RNF24: variants seen among roughly 807,000 people sequenced by gnomAD.
The protein encoded by RNF24 is ring finger protein 24.
In RNF24, 14 loss-of-function variants were observed where a neutral mutation model predicts 20.0. That is an observed-to-expected ratio of 0.70 (90% confidence interval 0.46 to 1.10). The LOEUF (loss-of-function observed/expected upper bound fraction) is 1.10, where lower values mean the gene tolerates loss of function less well. Ranked by LOEUF, RNF24 falls within the 50% of genes least tolerant of loss-of-function variation. The probability of loss-of-function intolerance (pLI) is 0.00; values close to 1 mark genes in which losing one functional copy is unlikely to be tolerated. For synonymous variants in RNF24, 45 were observed against 61.1 expected, an observed-to-expected ratio of 0.74 and a Z score of 1.23; for missense variants, 124 against 177.6, an observed-to-expected ratio of 0.70 and a Z score of 1.71.
chr20:3,998,773 T>TAAA lies in RNF24; in HGVS notation c.-8+16661_-8+16663dup, dbSNP rs56673788. Reference sequence around the variant, plus strand: ...TCCGTCTCAAAAAATAAAATTAAATTAAAAAAAATAAATAATGTAACACGT... The same window carrying TAAA: ...TCCGTCTCAAAAAATAAAATTAAATTAAAAAAAAAAATAAATAATGTAACACGT... On this transcript the variant is annotated intron_variant, in intron 1 of 5. Transcript: ENST00000358395. Among the ~76,000 whole-genome samples the TAAA allele has an allele frequency of 1.3e-3, 175 of 133,698 alleles. 2 individuals carry two copies. The highest frequency in any genetic ancestry group is 4.4e-3 in the Admixed American group (58 of 13,170). The allele number at this position is 133,698 out of a possible 152,430, so 87.7% of individuals were successfully genotyped here.
intron 2 of RNF24, among the ~76,000 whole-genome samples, chr20:3,951,686 T>A (rs926160382): frequency 1.3e-5 from 2 of 152,210 alleles, no homozygotes; most frequent in African/African-American, 4.8e-5. Context: ...ATGTGCTTCT[T>A]CATTTATTTG....
At chr20:3,942,950 G>A (rs2090975206) in intron 4 of RNF24, among the ~76,000 whole-genome samples, 1 of 151,950 alleles carries the variant, frequency 6.6e-6, no homozygotes, top group Non-Finnish European at 1.5e-5. Context: ...CGAGTAGCTG[G>A]GATTACAGGT....
At chr20:3,989,033 A>C (rs971760940) in intron 1 of RNF24, among the ~76,000 whole-genome samples, 2 of 152,186 alleles carry the variant, frequency 1.3e-5, no homozygotes, top group African/African-American at 4.8e-5. Flanking sequence ...AAGACGCTAA[A>C]TATTATAAAG....
chr20:3,936,066 C>A (rs1173573057), intron 4 of RNF24, among the ~76,000 whole-genome samples: 1 of 152,220 alleles, frequency 6.6e-6, no homozygotes, highest in African/African-American at 2.4e-5. Flanking sequence ...GTAACCCAGT[C>A]TTCTTAGATT....
At chr20:3,956,474 T>A (rs551035794) in intron 2 of RNF24, among the ~76,000 whole-genome samples, 1 of 151,744 alleles carries the variant, frequency 6.6e-6, no homozygotes, top group Non-Finnish European at 1.5e-5. Flanking sequence ...TTATATTTTA[T>A]AATGTATATT....
chr20:3,964,147 T>G, intron 1 of RNF24, 123 bp from the exon 2 acceptor site: 1 of 710,966 alleles, frequency 1.4e-6, no homozygotes, highest in Non-Finnish European at 2.2e-6. Flanking sequence ...GACAAAGTGT[T>G]AATATTCTTG....
At chr20:3,972,133 G>A (rs1373422138) in intron 1 of RNF24, among the ~76,000 whole-genome samples, 1 of 152,058 alleles carries the variant, frequency 6.6e-6, no homozygotes, top group African/African-American at 2.4e-5. Context: ...AAACAACAGA[G>A]CTGCAAAACA....
intron 2 of RNF24, among the ~76,000 whole-genome samples, chr20:3,963,391 C>T (rs1033807593): frequency 5.9e-5 from 9 of 152,050 alleles, no homozygotes; most frequent in Admixed American, 3.9e-4. Context: ...CGGAGTTCCA[C>T]CATGTTGGCC....
chr20:3,987,112 ATT>A (rs1460802905), intron 1 of RNF24, among the ~76,000 whole-genome samples: 47 of 152,136 alleles, frequency 3.1e-4, no homozygotes, highest in African/African-American at 1.1e-3. Flanking sequence ...ACATTTAACT[ATT>A]GACTTCTACA....
At chr20:3,972,584 A>G (rs1272717280) in intron 1 of RNF24, among the ~76,000 whole-genome samples, 1 of 152,242 alleles carries the variant, frequency 6.6e-6, no homozygotes, top group Admixed American at 6.5e-5. Flanking sequence ...AGAAATTTTT[A>G]AAAATACACT....
At chr20:3,991,940 G>A (rs75653194) in intron 1 of RNF24, among the ~76,000 whole-genome samples, 19 of 147,892 alleles carry the variant, frequency 1.3e-4, no homozygotes, top group Non-Finnish European at 2.4e-4. Flanking sequence ...ACACACACAC[G>A]CACACACACA....
rs993676242 is a variant in RNF24, at chr20:3,934,426, C to T, written c.309-225G>A. On this transcript the variant is annotated intron_variant, in intron 5 of 5. Coordinates refer to ENST00000358395, the MANE Select transcript of RNF24 (RefSeq NM_001134337.3). This position sits in a 1 kb window ranked among gnomAD's most constrained non-coding sequence, Gnocchi z 4.0. ...CAGCAATCCCCTCTTCCTTCCAGAG[C>T]CTCCCATCTTCCACGTGTGAAGCCA... Among the ~76,000 whole-genome samples the T allele has an allele frequency of 5.3e-5, 8 of 152,168 alleles. No homozygotes were observed. Among genetic ancestry groups the T allele is most frequent in the African/African-American group, 1.9e-4 (8 of 41,440 alleles).
chr20:3,972,245 A>C (rs1978410233), intron 1 of RNF24, among the ~76,000 whole-genome samples: 1 of 152,240 alleles, frequency 6.6e-6, no homozygotes, highest in African/African-American at 2.4e-5. Flanking sequence ...AAACAACTAG[A>C]TAGAAAACCA....
chr20:3,957,669 T>C (rs1289937617), intron 2 of RNF24, among the ~76,000 whole-genome samples: 1 of 152,000 alleles, frequency 6.6e-6, no homozygotes, highest in Non-Finnish European at 1.5e-5. Context: ...GGCTCAAAAT[T>C]CATCCCTTCT....
At chr20:3,966,133 C>CAAAAAA (rs574975352) in intron 1 of RNF24, among the ~76,000 whole-genome samples, 1 of 81,468 alleles carries the variant, frequency 1.2e-5, no homozygotes, top group Non-Finnish European at 2.2e-5. Flanking sequence ...GATTCCATCT[C>CAAAAAA]AAAAAAAAAA....
chr20:4,002,086 AC>A (rs1338523248), intron 1 of RNF24, among the ~76,000 whole-genome samples: 13 of 151,974 alleles, frequency 8.6e-5, no homozygotes, highest in African/African-American at 2.9e-4. Flanking sequence ...CCCCATCTCT[AC>A]CAAAAATACA....
chr20:3,953,475 T>G (rs1361151918), intron 2 of RNF24, among the ~76,000 whole-genome samples: 1 of 151,332 alleles, frequency 6.6e-6, no homozygotes, highest in Admixed American at 6.6e-5. Context: ...CTCTTTTTTT[T>G]TTTTTTTGAG....
intron 4 of RNF24, among the ~76,000 whole-genome samples, chr20:3,937,420 A>T (rs2090904104): frequency 6.6e-6 from 1 of 152,230 alleles, no homozygotes; most frequent in Non-Finnish European, 1.5e-5. Flanking sequence ...GTGACTTCCC[A>T]TCACCATTAA....
At chr20:3,996,064 A>G (rs1980839563) in intron 1 of RNF24, among the ~76,000 whole-genome samples, 1 of 152,174 alleles carries the variant, frequency 6.6e-6, no homozygotes, top group African/African-American at 2.4e-5. Flanking sequence ...TTCCTTCAAG[A>G]TCAGGAATGA....
Sources: gnomAD v4.1 joint callset for allele counts (sites outside exome capture counted in the v4.1 genomes callset) on GRCh38, gnomAD v4.1.1 for gene constraint, Gnocchi (gnomAD v3.1) non-coding constraint, MANE v1.5 for transcripts, NCBI Gene and HGNC (gene_info 2026-07-23, HGNC 2026-07-21) for gene names.